The following STAG1 variants were observed in gnomAD, a reference collection of about 807,000 sequenced individuals.
The protein encoded by STAG1 is STAG1 cohesin complex component.
A neutral mutation model predicts 170.9 loss-of-function variants in STAG1; 26 were observed. The ratio of observed to expected loss-of-function variants is 0.15; its 90% CI spans 0.11 to 0.21. STAG1 has a LOEUF of 0.21. Among genes scored for constraint, STAG1 ranks in the 10% least tolerant of loss-of-function variants. The pLI is 1.00. For synonymous variants in STAG1, 514 were observed against 497.7 expected (o/e 1.03, Z -0.44); for missense variants, 964 against 1,509.5 (o/e 0.64, Z 5.99).
At chr3:136,584,604 TG>T (rs1443982678) in intron 4 of STAG1, among the ~76,000 whole-genome samples, 1 of 152,204 alleles carries the variant, frequency 6.6e-6, no homozygotes, top group Non-Finnish European at 1.5e-5. Context: ...TGAGCCATAA[TG>T]CTGAGGTATT....
At chr3:136,475,096 G>A (rs2089714522) in intron 10 of STAG1, among the ~76,000 whole-genome samples, 1 of 136,746 alleles carries the variant, frequency 7.3e-6, no homozygotes, top group African/African-American at 2.8e-5. Flanking sequence ...TCATTAGTCT[G>A]TTTCCTGCTT....
At chr3:136,473,754 A>C (rs1394631716) in intron 10 of STAG1, 117 bp from the exon 11 acceptor site, 2 of 714,396 alleles carry the variant, frequency 2.8e-6, no homozygotes, top group East Asian at 5.5e-5. Flanking sequence ...ATTGTAATTC[A>C]ACATAGGATG....
intron 16 of STAG1, among the ~76,000 whole-genome samples, chr3:136,423,361 G>A (rs867617342): frequency 1.4e-4 from 22 of 152,140 alleles, no homozygotes; most frequent in African/African-American, 4.1e-4. Context: ...TAATCTCAGT[G>A]TGTTAACAGT....
chr3:136,443,856 T>TA (rs935671438), intron 14 of STAG1, among the ~76,000 whole-genome samples: 2 of 152,148 alleles, frequency 1.3e-5, no homozygotes, highest in Non-Finnish European at 2.9e-5. Flanking sequence ...TTAGTCAAAG[T>TA]AAAAAATACA....
At chr3:136,419,237 A>G (rs199715785) in intron 20 of STAG1, among the ~76,000 whole-genome samples, 29,470 of 151,968 alleles carry the variant, frequency 0.19, 3,118 homozygotes, top group Non-Finnish European at 0.24. Flanking sequence ...TTGCTTTTCT[A>G]GGGAATTCTA....
At chr3:136,454,155 C>T (rs1207382574) in intron 13 of STAG1, among the ~76,000 whole-genome samples, 2 of 151,974 alleles carry the variant, frequency 1.3e-5, no homozygotes, top group African/African-American at 4.8e-5. Context: ...AGTGCAGCGG[C>T]ACAATCTCCG....
At chr3:136,372,025 A>G (rs1937367572) in intron 23 of STAG1, among the ~76,000 whole-genome samples, 1 of 152,018 alleles carries the variant, frequency 6.6e-6, no homozygotes, top group African/African-American at 2.4e-5. Flanking sequence ...ATCCTCTTTT[A>G]TTTCATTGAG....
chr3:136,504,357 A>G (rs1933646882), intron 7 of STAG1, among the ~76,000 whole-genome samples: 1 of 152,356 alleles, frequency 6.6e-6, no homozygotes, highest in East Asian at 1.9e-4. Flanking sequence ...TGGATTTTTC[A>G]GGATTTTTGC....
At position 136,439,344 on chromosome 3, in the gene STAG1, C is replaced by T. The variant is rs955624583; in HGVS notation, c.1546+3943G>A. Among the ~76,000 whole-genome samples, 4 of 147,878 alleles carry T rather than the reference C, an allele frequency of 2.7e-5. No homozygotes were observed. The Admixed American group carries it at 2.7e-4, about 10-fold the overall frequency. On this transcript the variant is annotated intron_variant, in intron 15 of 33. Transcript: ENST00000383202. ...ACAAGAACCAGATCCAAACATTATA[C>T]TAAAAATTTATTCAGCAACTTGATT...
At chr3:136,749,316 G>A (rs1935110579) in intron 1 of STAG1, among the ~76,000 whole-genome samples, 1 of 152,184 alleles carries the variant, frequency 6.6e-6, no homozygotes, top group Non-Finnish European at 1.5e-5. Flanking sequence ...ATGGATAAAA[G>A]CTAACAGCCA....
intron 1 of STAG1, among the ~76,000 whole-genome samples, chr3:136,712,531 T>C (rs1298173603): frequency 1.3e-5 from 2 of 152,112 alleles, no homozygotes; most frequent in African/African-American, 4.8e-5. Context: ...ATCAAAATGG[T>C]CAGCACTGAG....
intron 22 of STAG1, among the ~76,000 whole-genome samples, chr3:136,386,545 C>G (rs2086877895): frequency 6.6e-6 from 1 of 152,096 alleles, no homozygotes; most frequent in Non-Finnish European, 1.5e-5. Context: ...TAACAGCAAA[C>G]TGTATGATTA....
intron 4 of STAG1, among the ~76,000 whole-genome samples, chr3:136,598,840 C>T (rs995798447): frequency 5.9e-5 from 9 of 152,092 alleles, no homozygotes; most frequent in South Asian, 2.1e-4. Flanking sequence ...ATAAAGAAAA[C>T]GATCAGACAT....
At chr3:136,413,762 T>C (rs369732082) in intron 21 of STAG1, among the ~76,000 whole-genome samples, 2 of 152,146 alleles carry the variant, frequency 1.3e-5, no homozygotes, top group East Asian at 1.9e-4. Flanking sequence ...CTGGTCAGTC[T>C]TCCACATATT....
chr3:136,454,545 A>T (rs2089050261), intron 13 of STAG1, among the ~76,000 whole-genome samples: 1 of 149,680 alleles, frequency 6.7e-6, no homozygotes, highest in Non-Finnish European at 1.5e-5. Flanking sequence ...TGCCAGGCCA[A>T]TTTTTTGTAT....
chr3:136,544,954 T>C (rs769444282), intron 5 of STAG1, among the ~76,000 whole-genome samples: 4 of 152,328 alleles, frequency 2.6e-5, no homozygotes, highest in African/African-American at 7.2e-5. Context: ...GAGTGGATTA[T>C]AGCGCCTTAA....
At chr3:136,529,964 G>A (rs1935287532) in intron 6 of STAG1, among the ~76,000 whole-genome samples, 1 of 152,050 alleles carries the variant, frequency 6.6e-6, no homozygotes, top group Admixed American at 6.5e-5. Context: ...TAAAAGACAG[G>A]ATCCAACCAC....
At chr3:136,415,913 A>G (rs2087757927) in intron 21 of STAG1, among the ~76,000 whole-genome samples, 1 of 152,160 alleles carries the variant, frequency 6.6e-6, no homozygotes, top group Admixed American at 6.5e-5. Context: ...GCTAAAATGA[A>G]CAAGAGTACA....
intron 1 of STAG1, among the ~76,000 whole-genome samples, chr3:136,722,623 T>C (rs1368597740): frequency 6.7e-6 from 1 of 149,186 alleles, no homozygotes; most frequent in African/African-American, 2.5e-5. Context: ...TCCCTCTCCC[T>C]CTCCCTCTCC....
Sources: allele counts gnomAD v4.1 joint callset (sites outside exome capture counted in the v4.1 genomes callset), GRCh38; gene constraint gnomAD v4.1.1; transcripts MANE v1.5; gene names NCBI Gene and HGNC (gene_info 2026-07-23, HGNC 2026-07-21).